LRRC4C: variants seen among roughly 807,000 people sequenced by gnomAD.
LRRC4C encodes leucine-rich repeat-containing protein 4C.
Under a neutral mutation model 33.6 loss-of-function variants are expected in LRRC4C, and 5 were observed. The ratio of observed to expected loss-of-function variants is 0.15; its 90% CI spans 0.08 to 0.31. The LOEUF is 0.31. Ranked by LOEUF, LRRC4C falls within the 10% of genes least tolerant of loss-of-function variation. LRRC4C has a pLI of 1.00. For synonymous variants in LRRC4C, 329 were observed against 302.0 expected, an observed-to-expected ratio of 1.09 and a Z score of -0.93; for missense variants, 560 against 796.7, an observed-to-expected ratio of 0.70 and a Z score of 3.58.
chr11:40,729,091 A>G (rs1011987755), intron 2 of LRRC4C, among the ~76,000 whole-genome samples: 3 of 152,132 alleles, frequency 2.0e-5, no homozygotes, highest in Non-Finnish European at 4.4e-5. Flanking sequence ...CATGCAATAT[A>G]CCTGTGTAAT....
chr11:40,145,462 T>C (rs1000708341), intron 5 of LRRC4C, among the ~76,000 whole-genome samples: 2 of 152,214 alleles, frequency 1.3e-5, no homozygotes, highest in Non-Finnish European at 2.9e-5. Flanking sequence ...CCAATACTTT[T>C]ATTTCAATGT....
At chr11:40,382,780 G>A (rs1054203711) in intron 3 of LRRC4C, among the ~76,000 whole-genome samples, 39 of 132,000 alleles carry the variant, frequency 3.0e-4, no homozygotes, top group Non-Finnish European at 1.9e-4. Flanking sequence ...TGCAAGCTCC[G>A]CCCCCAGGGT....
intron 1 of LRRC4C, among the ~76,000 whole-genome samples, chr11:41,386,048 T>C (rs1953346671): frequency 6.6e-6 from 1 of 151,668 alleles, no homozygotes; most frequent in Non-Finnish European, 1.5e-5. Context: ...AAGTAACTAA[T>C]GTTGTAACAT....
intron 1 of LRRC4C, among the ~76,000 whole-genome samples, chr11:40,950,504 A>T (rs1211732858): frequency 6.6e-6 from 1 of 152,010 alleles, no homozygotes; most frequent in Non-Finnish European, 1.5e-5. Context: ...TATTATAATT[A>T]TTATTTTCAC....
intron 1 of LRRC4C, among the ~76,000 whole-genome samples, chr11:40,963,812 G>A (rs771549306): frequency 1.3e-5 from 2 of 151,738 alleles, no homozygotes; most frequent in African/African-American, 4.8e-5. Context: ...CTCAAATAAC[G>A]ATTTAAGTGT....
chr11:40,292,999 C>G (rs943527666), intron 4 of LRRC4C: 1 of 152,112 alleles, frequency 6.6e-6, no homozygotes, highest in African/African-American at 2.4e-5. Context: ...CAACTTCCCC[C>G]CCACTCTCCA....
intron 2 of LRRC4C, among the ~76,000 whole-genome samples, chr11:40,687,272 C>T (rs887586584): frequency 6.6e-6 from 1 of 152,012 alleles, no homozygotes; most frequent in African/African-American, 2.4e-5. Flanking sequence ...GCCATGTTAC[C>T]TTCCCAAATA....
At chr11:41,214,561 C>T (rs1159234975) in intron 1 of LRRC4C, among the ~76,000 whole-genome samples, 1 of 112,094 alleles carries the variant, frequency 8.9e-6, no homozygotes, top group East Asian at 2.3e-4. Flanking sequence ...GAAACCCCGT[C>T]TCTACTAAAA....
At chr11:40,194,316 G>T (rs1862075435) in intron 5 of LRRC4C, among the ~76,000 whole-genome samples, 2 of 152,128 alleles carry the variant, frequency 1.3e-5, no homozygotes, top group African/African-American at 4.8e-5. Flanking sequence ...ATTCTTAAAA[G>T]AATTTTCAAC....
At chr11:40,622,499 A>C (rs917237775) in intron 3 of LRRC4C, among the ~76,000 whole-genome samples, 3 of 151,874 alleles carry the variant, frequency 2.0e-5, no homozygotes, top group African/African-American at 4.8e-5. Context: ...AGACTGGTTG[A>C]GAAAGATGAG....
chr11:41,037,715 C>G (rs1241811298), intron 1 of LRRC4C, among the ~76,000 whole-genome samples: 1 of 152,076 alleles, frequency 6.6e-6, no homozygotes, highest in East Asian at 1.9e-4. Flanking sequence ...AGCTAAATTG[C>G]TCAAGATAAC....
chr11:41,454,479 G>A (rs1486790958), intron 1 of LRRC4C, among the ~76,000 whole-genome samples: 1 of 152,026 alleles, frequency 6.6e-6, no homozygotes. Context: ...GTTCCTGGTA[G>A]GTGCTTAATA....
At position 40,188,225 on chromosome 11, in the gene LRRC4C, G is replaced by A. The variant is rs115805237; in HGVS notation, c.-95-47372C>T. On this transcript the variant is annotated intron_variant, in intron 5 of 6. Transcript: ENST00000528697. ...TATTTTTCTAAATGCAAAGGTCTTGGTGCCAAGAGCAAAGTGAAATTCTGA... is the reference window on the plus strand; with the variant it reads ...TATTTTTCTAAATGCAAAGGTCTTGATGCCAAGAGCAAAGTGAAATTCTGA... Among the ~76,000 whole-genome samples, 852 of 152,252 alleles carry A rather than the reference G, an allele frequency of 5.6e-3. 12 individuals carry two copies. The highest frequency in any genetic ancestry group is 0.02 in the African/African-American group (825 of 41,542).
intron 3 of LRRC4C, among the ~76,000 whole-genome samples, chr11:40,471,769 A>G (rs1371903758): frequency 6.6e-6 from 1 of 152,132 alleles, no homozygotes; most frequent in Non-Finnish European, 1.5e-5. Flanking sequence ...ACAGAAAATT[A>G]ACAAGGATAT....
At chr11:40,427,802 C>T (rs1428143062) in intron 3 of LRRC4C, among the ~76,000 whole-genome samples, 1 of 151,970 alleles carries the variant, frequency 6.6e-6, no homozygotes, top group African/African-American at 2.4e-5. Context: ...TGCATTTCAG[C>T]CTGGGCAACA....
At chr11:40,441,003 T>C (rs11035846) in intron 3 of LRRC4C, among the ~76,000 whole-genome samples, 47,145 of 152,034 alleles carry the variant, frequency 0.31, 8,728 homozygotes, top group South Asian at 0.46. Context: ...GAATAAACTA[T>C]GCATCAAAAG....
chr11:40,653,549 G>T (rs568129766), intron 2 of LRRC4C, among the ~76,000 whole-genome samples: 1 of 152,302 alleles, frequency 6.6e-6, no homozygotes, highest in Admixed American at 6.5e-5. Flanking sequence ...CATTCAAGAG[G>T]TAACTTGGGT....
intron 1 of LRRC4C, among the ~76,000 whole-genome samples, chr11:41,068,439 G>T (rs1185270925): frequency 6.6e-6 from 1 of 151,850 alleles, no homozygotes; most frequent in African/African-American, 2.4e-5. Flanking sequence ...GAATCCAGGA[G>T]CTGTTTTTTG....
chr11:41,355,431 T>A (rs1040720452), intron 1 of LRRC4C, among the ~76,000 whole-genome samples: 2 of 152,132 alleles, frequency 1.3e-5, no homozygotes, highest in East Asian at 1.9e-4. Context: ...AAGGTAGTAG[T>A]TTCCCACCTA....
Sources: allele counts gnomAD v4.1 joint callset (sites outside exome capture counted in the v4.1 genomes callset), GRCh38; gene constraint gnomAD v4.1.1; transcripts MANE v1.5; gene names NCBI Gene and HGNC (gene_info 2026-07-23, HGNC 2026-07-21).